The following GRM8 variants were observed in gnomAD, a reference collection of about 807,000 sequenced individuals.
The protein encoded by GRM8 is metabotropic glutamate receptor 8.
In GRM8, 47 loss-of-function variants were observed where a neutral mutation model predicts 87.2. That is an observed-to-expected ratio of 0.54 (90% CI 0.43 to 0.69). GRM8 has a LOEUF of 0.69. Ranked by LOEUF, GRM8 falls within the 30% of genes least tolerant of loss-of-function variation. GRM8 has a pLI of 0.00. For synonymous variants in GRM8, 396 were observed against 404.5 expected, an observed-to-expected ratio of 0.98 and a Z score of 0.25; for missense variants, 1,019 against 1,139.2, an observed-to-expected ratio of 0.89 and a Z score of 1.52.
At chr7:126,926,243 A>C (rs2518952) in intron 3 of GRM8, among the ~76,000 whole-genome samples, 117,814 of 151,548 alleles carry the variant, frequency 0.78, 46,232 homozygotes, top group East Asian at 0.97. Flanking sequence ...GCTCATAGAA[A>C]TGTAAAAGAC....
intron 6 of GRM8, among the ~76,000 whole-genome samples, chr7:126,867,353 T>C (rs1471289557): frequency 4.6e-5 from 7 of 152,216 alleles, no homozygotes. Context: ...ACATTCGCTG[T>C]TGTGATTTAC....
chr7:126,631,521 A>G (rs1390237959), intron 7 of GRM8, among the ~76,000 whole-genome samples: 1 of 152,114 alleles, frequency 6.6e-6, no homozygotes, highest in East Asian at 1.9e-4. Flanking sequence ...TCACAGAATC[A>G]GAAAAAAACT....
chr7:127,048,786 TAATTA>T (rs1467696853), intron 3 of GRM8, among the ~76,000 whole-genome samples: 1 of 152,230 alleles, frequency 6.6e-6, no homozygotes, highest in Non-Finnish European at 1.5e-5. Context: ...TATGATATTA[TAATTA>T]AGAGTTTCAT....
intron 9 of GRM8, among the ~76,000 whole-genome samples, chr7:126,526,586 G>A (rs1813885388): frequency 1.3e-5 from 2 of 152,134 alleles, no homozygotes; most frequent in Admixed American, 6.5e-5. Context: ...AGCTTCCTCA[G>A]AACCCCCAAA....
chr7:127,159,550 A>ATGGTGGC (rs879504924), intron 2 of GRM8, among the ~76,000 whole-genome samples: 508 of 152,296 alleles, frequency 3.3e-3, no homozygotes, highest in Non-Finnish European at 5.6e-3. Context: ...TGGCAATAAA[A>ATGGTGGC]AGCCATGTAA....
intron 2 of GRM8, among the ~76,000 whole-genome samples, chr7:127,197,113 T>A (rs1795324827): frequency 6.6e-6 from 1 of 152,218 alleles, no homozygotes; most frequent in Admixed American, 6.5e-5. Context: ...TTGGTCTAGG[T>A]TGTTTCTATA....
At chr7:126,691,688 C>T (rs1480040278) in intron 7 of GRM8, among the ~76,000 whole-genome samples, 1 of 152,136 alleles carries the variant, frequency 6.6e-6, no homozygotes, top group Non-Finnish European at 1.5e-5. Context: ...TGTTTGGGCC[C>T]ACCTGAAGGC....
chr7:127,222,648 C>T (rs1321323637), intron 2 of GRM8, among the ~76,000 whole-genome samples: 1 of 152,130 alleles, frequency 6.6e-6, no homozygotes, highest in Non-Finnish European at 1.5e-5. Context: ...GACAAAATAT[C>T]CGGAGAACTT....
At chr7:126,952,126 T>C (rs1426909925) in intron 3 of GRM8, among the ~76,000 whole-genome samples, 1 of 151,608 alleles carries the variant, frequency 6.6e-6, no homozygotes, top group Non-Finnish European at 1.5e-5. Context: ...AGCAAAAAAG[T>C]AAGAAAGTGT....
In GRM8 at chr7:126,903,926, T is replaced by C. The variant is rs1471338900; in HGVS notation, c.1018+46A>G. 2.4e-5 allele frequency: 29 copies of C among 1,233,536 alleles called. 3 individuals are homozygous for C. In the African/African-American group the frequency reaches 2.6e-4, roughly 11 times the overall value. 76.4% of individuals were successfully genotyped at this position (1,233,536 alleles called of 1,614,324 possible). On this transcript the variant is annotated intron_variant, in intron 5 of 10. Coordinates refer to ENST00000339582, the MANE Select transcript of GRM8 (RefSeq NM_000845.3). ...TGATACTCCAGTTTTGCCTTTGAGT[T>C]CAGATCCAACTGGAATAAAACAAAT...
At chr7:126,706,170 T>C (rs1274351723) in intron 7 of GRM8, among the ~76,000 whole-genome samples, 2 of 152,312 alleles carry the variant, frequency 1.3e-5, no homozygotes, top group East Asian at 3.9e-4. Context: ...AATTGCCTAG[T>C]AGATTTTAAA....
Position 126,446,263 on chromosome 7 carries a change from T to G in GRM8, c.2540A>C (p.Gln847Pro). Residue 847 changes from glutamine to proline, a missense_variant, in exon 10 of 11, where the codon CAG becomes CCG. Physicochemically the swap from Gln to Pro is moderately conservative, Grantham distance 76. Transcript: ENST00000339582. ...KVYIIIFHPE[Q>P]NVQKRKRSFK... is the part of the protein sequence containing the mutation. ...GCTCCTCTTGCGTTTTTGAACATTC[T>G]GTTCTGGATGAAAAATTATAATATA... is the stretch of plus-strand genomic sequence containing the variant. 6.2e-7 allele frequency: 1 copy of G among 1,612,750 alleles called. No homozygotes were observed. The highest frequency in any genetic ancestry group is 1.7e-5 in the Admixed American group (1 of 59,846).
At chr7:126,558,264 CTT>C (rs948877763) in intron 8 of GRM8, among the ~76,000 whole-genome samples, 5 of 152,104 alleles carry the variant, frequency 3.3e-5, no homozygotes, top group African/African-American at 1.2e-4. Context: ...GTTCAGAGTT[CTT>C]TTTATGTATT....
intron 2 of GRM8, among the ~76,000 whole-genome samples, chr7:127,232,208 TGTGTGAGAGAGAGA>T (rs1797730041): frequency 6.8e-6 from 1 of 147,180 alleles, no homozygotes; most frequent in African/African-American, 2.5e-5. Context: ...TGTGTGTGTG[TGTGTGAGAGAGAGA>T]GAGAGAGAGA....
chr7:126,861,423 T>C (rs1798124672), intron 6 of GRM8, among the ~76,000 whole-genome samples: 1 of 152,056 alleles, frequency 6.6e-6, no homozygotes, highest in African/African-American at 2.4e-5. Flanking sequence ...TTCCCTACTA[T>C]TACTAGTATA....
chr7:126,553,098 C>T (rs1792765971), intron 8 of GRM8, among the ~76,000 whole-genome samples: 1 of 152,122 alleles, frequency 6.6e-6, no homozygotes, highest in South Asian at 2.1e-4. Flanking sequence ...CCTGTTCACT[C>T]ACCTACTTAT....
intron 6 of GRM8, among the ~76,000 whole-genome samples, chr7:126,775,960 T>A (rs2151625597): frequency 6.6e-6 from 1 of 152,284 alleles, no homozygotes; most frequent in South Asian, 2.1e-4. Context: ...CAGGCCTTTA[T>A]TCAGCTGTTC....
At chr7:127,193,508 A>C (rs1213737012) in intron 2 of GRM8, among the ~76,000 whole-genome samples, 1 of 152,206 alleles carries the variant, frequency 6.6e-6, no homozygotes, top group Non-Finnish European at 1.5e-5. Context: ...CAAAGCTTCT[A>C]AGCAAATGTG....
intron 3 of GRM8, among the ~76,000 whole-genome samples, chr7:126,918,655 T>C (rs1804182341): frequency 6.6e-6 from 1 of 152,214 alleles, no homozygotes; most frequent in Non-Finnish European, 1.5e-5. Context: ...TTTAAAAATT[T>C]ATTCCTATTA....
Sources: gnomAD v4.1 joint callset for allele counts (sites outside exome capture counted in the v4.1 genomes callset) on GRCh38, gnomAD v4.1.1 for gene constraint, MANE v1.5 for transcripts, NCBI Gene and HGNC (gene_info 2026-07-23, HGNC 2026-07-21) for gene names.